Variants in GABRA4 observed in about 807,000 individuals in gnomAD.
GABRA4 encodes gamma-aminobutyric acid type A receptor subunit alpha4.
A neutral mutation model predicts 49.7 loss-of-function variants in GABRA4; 12 were observed. That is an observed-to-expected ratio of 0.24 (90% CI 0.15 to 0.39). GABRA4 has a LOEUF of 0.39. Ranked by LOEUF, GABRA4 falls within the 10% of genes least tolerant of loss-of-function variation. GABRA4 has a pLI of 1.00. For missense variants in GABRA4, 506 were observed against 686.0 expected (o/e 0.74, Z 2.93); for synonymous variants, 288 against 240.2 (o/e 1.20, Z -1.84).
chr4:46,961,073 T>C (rs888155782), intron 8 of GABRA4, among the ~76,000 whole-genome samples: 3 of 151,914 alleles, frequency 2.0e-5, no homozygotes, highest in Non-Finnish European at 4.4e-5. Flanking sequence ...CACTACTTTC[T>C]AAACTAATAA....
At chr4:46,962,677 T>C (rs770408226) in intron 8 of GABRA4, among the ~76,000 whole-genome samples, 2 of 151,870 alleles carry the variant, frequency 1.3e-5, no homozygotes, top group Admixed American at 1.3e-4. Flanking sequence ...AGAATGAAAC[T>C]GGAGGAATCA....
In GABRA4 at chr4:46,919,423, G is replaced by A. The variant is rs2109925172; in HGVS notation, c.*8802C>T. On this transcript the variant is annotated 3_prime_UTR_variant, in exon 9 of 9. Coordinates refer to ENST00000264318, the MANE Select transcript of GABRA4 (RefSeq NM_000809.4). ...TGTGATTACTAAAACCTCAAGAAAT[G>A]TGTTCTTGAGGAAGTAATTTTCCCA... is the stretch of plus-strand genomic sequence containing the variant. The A allele has an allele frequency of 6.6e-6, 1 of 151,510 alleles. No individual in the cohort carries two copies. The highest frequency in any genetic ancestry group is 1.9e-4 in the East Asian group (1 of 5,166). The allele number at this position is 151,510 out of a possible 1,614,324, so 9.4% of individuals were successfully genotyped here.
In GABRA4 at chr4:46,992,921, G is replaced by C. The variant is rs745544149; in HGVS notation, c.112C>G (p.Gln38Glu). 1.1e-5 allele frequency: 18 copies of C among 1,612,296 alleles called. No homozygotes were observed. In the South Asian group the frequency reaches 1.6e-4, roughly 15 times the overall value. The change falls in exon 2 of 9, where the codon CAA becomes GAA. Residue 38 changes from glutamine to glutamate, a missense_variant. Transcript: ENST00000264318. ...VCLNESPGQN[Q>E]KEEKLCTENF... ...TCTGTGCACAATTTCTCCTCCTTTT[G>C]GTTCTGTCCTGGGGATTCGTTTAAA...
chr4:46,961,471 C>G (rs140786767), intron 8 of GABRA4, among the ~76,000 whole-genome samples: 1 of 151,770 alleles, frequency 6.6e-6, no homozygotes, highest in African/African-American at 2.4e-5. Context: ...TCCCTTGCCC[C>G]ACACAAGTAA....
At chr4:46,974,522 C>T in intron 5 of GABRA4, 147 bp from the exon 6 acceptor site, 1 of 718,664 alleles carries the variant, frequency 1.4e-6, no homozygotes, top group Non-Finnish European at 2.0e-6. Flanking sequence ...ATTTAGTTCA[C>T]TATAATTTAG....
rs758047851 is a variant in GABRA4, at chr4:46,928,421, A to T, written c.1469T>A (p.Val490Asp). 6.2e-7 allele frequency: 1 copy of T among 1,613,680 alleles called. No individual in the cohort carries two copies. The highest frequency in any genetic ancestry group is 8.5e-7 in the Non-Finnish European group (1 of 1,179,712). ...GSRLQRIKTT[V>D]NTIGATGKLS... Reference sequence around the variant, plus strand: ...CTTCCCAGTAGCCCCTATGGTATTAACTGTGGTCTTTATCCTCTGCAGTCT... The same window carrying T: ...CTTCCCAGTAGCCCCTATGGTATTATCTGTGGTCTTTATCCTCTGCAGTCT... The change falls in exon 9 of 9, where the codon GTT becomes GAT. Residue 490 changes from valine to aspartate, a missense_variant. Around this residue, in one of 5 missense-constraint regions of GABRA4, gnomAD observed 243 missense variants for 210.8 expected, o/e 1.15. Transcript: ENST00000264318.
rs1404587363 is a variant in GABRA4 at position 46,919,547 on chromosome 4, G to A, written c.*8678C>T. 1 of 151,470 alleles carries A rather than the reference G, an allele frequency of 6.6e-6. No individual in the cohort carries two copies. The highest frequency in any genetic ancestry group is 2.4e-5 in the African/African-American group (1 of 41,374). 9.4% of individuals were successfully genotyped at this position (151,470 alleles called of 1,614,324 possible). A position where few individuals can be genotyped will look rare whatever the true frequency, so the allele number is the denominator to read the frequency against. Reference sequence around the variant, plus strand: ...AATTGAGCAAGAATATTGAAGCTCAGATGATAACAAATTTAGTTTTTATGA... The same window carrying A: ...AATTGAGCAAGAATATTGAAGCTCAAATGATAACAAATTTAGTTTTTATGA... On this transcript the variant is annotated 3_prime_UTR_variant, in exon 9 of 9. Coordinates refer to ENST00000264318, the MANE Select transcript of GABRA4 (RefSeq NM_000809.4).
chr4:46,946,411 C>T (rs1038952829), intron 8 of GABRA4, among the ~76,000 whole-genome samples: 1 of 152,076 alleles, frequency 6.6e-6, no homozygotes, highest in African/African-American at 2.4e-5. Context: ...ATAAAAACAG[C>T]ACTTTTCTAC....
At chr4:46,983,298 G>T (rs914923642) in intron 2 of GABRA4, among the ~76,000 whole-genome samples, 1 of 152,024 alleles carries the variant, frequency 6.6e-6, no homozygotes, top group African/African-American at 2.4e-5. Context: ...AGTTTCTGAA[G>T]TATTTTCTCA....
intron 8 of GABRA4, among the ~76,000 whole-genome samples, chr4:46,940,234 T>G (rs1001252220): frequency 6.6e-6 from 1 of 152,088 alleles, no homozygotes; most frequent in African/African-American, 2.4e-5. Context: ...TATTTAAAAA[T>G]TTACTATTCA....
chr4:46,928,455 A>T lies in GABRA4; in HGVS notation c.1435T>A (p.Phe479Ile). Residue 479 changes from phenylalanine (F) to isoleucine (I), a missense_variant, in exon 9 of 9, where the codon TTT becomes ATT. Around this residue, in one of 5 missense-constraint regions of GABRA4, gnomAD observed 243 missense variants for 210.8 expected, o/e 1.15. Transcript: ENST00000264318. ...SVGSASTRHV[F>I]GSRLQRIKTT... ...TTTATCCTCTGCAGTCTTGATCCAA[A>T]CACGTGACGAGTAGAAGCAGATCCA... is the stretch of plus-strand genomic sequence containing the variant. The T allele has an allele frequency of 6.2e-7, 1 of 1,613,660 alleles. No individual in the cohort carries two copies. Among genetic ancestry groups the T allele is most frequent in the Non-Finnish European group, 8.5e-7 (1 of 1,179,730 alleles).
At chr4:46,929,444 A>C (rs956824220) in intron 8 of GABRA4, among the ~76,000 whole-genome samples, 17 of 152,230 alleles carry the variant, frequency 1.1e-4, no homozygotes, top group African/African-American at 4.1e-4. Flanking sequence ...AGCATCAACC[A>C]ACAGTTGCAT....
At position 46,954,848 on chromosome 4, in the gene GABRA4, G is replaced by T. The variant is rs144727749; in HGVS notation, c.1134+10122C>A. Among the ~76,000 whole-genome samples the T allele has an allele frequency of 4.6e-5, 7 of 152,172 alleles. No homozygotes were observed. In the East Asian group the frequency reaches 1.4e-3, roughly 30 times the overall value. ...CATCCAGCTTTCTGATGCCAAACAG[G>T]CAGGGCTCAAATCCAAGTCTACCAT... is the stretch of plus-strand genomic sequence containing the variant. On this transcript the variant is annotated intron_variant, in intron 8 of 8. Transcript: ENST00000264318.
Position 46,971,800 on chromosome 4 carries a change from T to C in GABRA4, c.722-565A>G, listed in dbSNP as rs912558117. On this transcript the variant is annotated intron_variant, in intron 6 of 8. Coordinates refer to ENST00000264318, the MANE Select transcript of GABRA4 (RefSeq NM_000809.4). ...GGCTACCATAGTTTTAGGAAAGAGG[T>C]GAATTTCTAAATGTTCTTTATATGA... Among the ~76,000 whole-genome samples the C allele has an allele frequency of 2.7e-5, 4 of 150,764 alleles. No individual in the cohort carries two copies. In the South Asian group the frequency reaches 6.2e-4, roughly 23 times the overall value.
rs1312993450 is a variant in GABRA4 at position 46,974,355 on chromosome 4, T to A, written c.598A>T (p.Met200Leu). 1 of 1,610,668 alleles carries A rather than the reference T, an allele frequency of 6.2e-7. No individual in the cohort carries two copies. Among genetic ancestry groups the A allele is most frequent in the Non-Finnish European group, 8.5e-7 (1 of 1,178,066 alleles). Residue 200 changes from methionine to leucine, a missense_variant, in exon 6 of 9, where the codon ATG becomes TTG. Coordinates refer to ENST00000264318, the MANE Select transcript of GABRA4 (RefSeq NM_000809.4). ...GGACCTTTTGTCCAGGTATAGATCA[T>A]CTCACTCTTTGGATAGGCATCTAAA... ...FGSYAYPKSE[M>L]IYTWTKGPEK...
At chr4:46,962,181 A>T (rs1290357643) in intron 8 of GABRA4, among the ~76,000 whole-genome samples, 1 of 151,826 alleles carries the variant, frequency 6.6e-6, no homozygotes, top group African/African-American at 2.4e-5. Flanking sequence ...GGTAGTTCTA[A>T]TGTGTGGCCA....
chr4:46,922,860 C>T lies in GABRA4; in HGVS notation c.*5365G>A, dbSNP rs1721083483. On this transcript the variant is annotated 3_prime_UTR_variant, in exon 9 of 9. Transcript: ENST00000264318. ...CTGTAAATAGTTACAGAGCAGTGGT[C>T]CCCAACCCCTGGGCCACTGACCAGT... 1 of 152,066 alleles carries T rather than the reference C, an allele frequency of 6.6e-6. No individual in the cohort carries two copies. The highest frequency in any genetic ancestry group is 1.5e-5 in the Non-Finnish European group (1 of 67,990). The allele number at this position is 152,066 out of a possible 1,614,324, so 9.4% of individuals were successfully genotyped here. A position where few individuals can be genotyped will look rare whatever the true frequency, so the allele number is the denominator to read the frequency against.
At chr4:46,980,808 A>G (rs1723331369) in intron 2 of GABRA4, among the ~76,000 whole-genome samples, 1 of 152,110 alleles carries the variant, frequency 6.6e-6, no homozygotes, top group African/African-American at 2.4e-5. Flanking sequence ...ATTTCACTCA[A>G]GTAGGTTCAA....
chr4:46,965,303 A>G, intron 7 of GABRA4, 74 bp from the exon 8 acceptor site: 1 of 1,249,666 alleles, frequency 8.0e-7, no homozygotes, highest in Non-Finnish European at 1.1e-6. Context: ...ACCACCAACA[A>G]AAACCTAGAA....
Sources: allele counts gnomAD v4.1 joint callset (sites outside exome capture counted in the v4.1 genomes callset), GRCh38; gene constraint gnomAD v4.1.1; regional missense constraint gnomAD v4.1.1; transcripts MANE v1.5; gene names NCBI Gene and HGNC (gene_info 2026-07-23, HGNC 2026-07-21).